Variants in CSRNP3 observed in about 807,000 individuals in gnomAD.
CSRNP3 encodes the protein cysteine/serine-rich nuclear protein 3.
CSRNP3 carries 12 observed loss-of-function variants against 48.0 expected under a neutral mutation model. That is an observed-to-expected ratio of 0.25 (90% CI 0.16 to 0.41). The LOEUF is 0.41. Ranked by LOEUF, CSRNP3 falls within the 10% of genes least tolerant of loss-of-function variation. The pLI is 1.00. For missense variants in CSRNP3, 580 were observed against 724.4 expected, an observed-to-expected ratio of 0.80 and a Z score of 2.29; for synonymous variants, 263 against 269.7, an observed-to-expected ratio of 0.98 and a Z score of 0.24.
At chr2:165,617,298 G>A (rs1057109385) in intron 4 of CSRNP3, among the ~76,000 whole-genome samples, 7 of 150,720 alleles carry the variant, frequency 4.6e-5, no homozygotes, top group African/African-American at 1.7e-4. Context: ...GTTTTATGGA[G>A]GTAGCTTTCA....
chr2:165,574,274 A>G, intron 3 of CSRNP3: 1 of 1,043,850 alleles, frequency 9.6e-7, no homozygotes, highest in Non-Finnish European at 1.4e-6. Context: ...GGGAGTTCAA[A>G]GGTCACAGGG....
intron 3 of CSRNP3, among the ~76,000 whole-genome samples, chr2:165,556,675 C>A (rs1211693939): frequency 6.6e-6 from 1 of 152,108 alleles, no homozygotes; most frequent in Non-Finnish European, 1.5e-5. Flanking sequence ...AAAAGAAAAT[C>A]TGTACTGAAA....
chr2:165,679,247 G>A lies in CSRNP3; in HGVS notation c.1252G>A (p.Val418Ile), dbSNP rs375821547. The stretch of plus-strand genomic sequence containing the variant: ...TCTTTGTTATTCTGATGGCACCGCC[G>A]TTCACGAAAGCCATGCAAAGAATGC... ...SVLCYSDGTA[V>I]HESHAKNASF... The change falls in exon 7 of 7, where the codon GTT (valine) becomes ATT (isoleucine). Residue 418 changes from valine to isoleucine, a missense_variant. This residue lies in a region of CSRNP3 where 369 missense variants were observed against 380.8 expected (regional missense o/e 0.97). Transcript: ENST00000651982. The A allele has an allele frequency of 2.6e-5, 42 of 1,613,830 alleles. No homozygotes were observed. In the African/African-American group the frequency reaches 2.9e-4, roughly 11 times the overall value.
intron 3 of CSRNP3, among the ~76,000 whole-genome samples, chr2:165,574,989 C>T (rs1685425476): frequency 6.6e-6 from 1 of 152,124 alleles, no homozygotes; most frequent in East Asian, 1.9e-4. Flanking sequence ...TCTATTGGGG[C>T]TAGATCCTTT....
intron 2 of CSRNP3, among the ~76,000 whole-genome samples, chr2:165,506,368 T>C (rs1684426359): frequency 6.6e-6 from 1 of 152,154 alleles, no homozygotes; most frequent in Non-Finnish European, 1.5e-5. Context: ...TAAGATGCCT[T>C]GGTGGGAAAA....
At chr2:165,476,113 A>G (rs1182875743) in intron 1 of CSRNP3, among the ~76,000 whole-genome samples, 4 of 152,232 alleles carry the variant, frequency 2.6e-5, no homozygotes, top group South Asian at 2.1e-4. Flanking sequence ...CTCTTAGTCA[A>G]TGAATCCCCA....
At chr2:165,553,017 A>G (rs2105261435) in intron 3 of CSRNP3, among the ~76,000 whole-genome samples, 1 of 152,272 alleles carries the variant, frequency 6.6e-6, no homozygotes, top group African/African-American at 2.4e-5. Context: ...TATTTGTAAT[A>G]TCAACGTTCA....
intron 4 of CSRNP3, among the ~76,000 whole-genome samples, chr2:165,622,169 C>A (rs1433567591): frequency 1.3e-5 from 2 of 152,066 alleles, no homozygotes; most frequent in East Asian, 1.9e-4. Flanking sequence ...AGTTATTTTT[C>A]TTTACAGGTA....
chr2:165,551,229 T>C (rs1685091952), intron 3 of CSRNP3, among the ~76,000 whole-genome samples: 1 of 152,186 alleles, frequency 6.6e-6, no homozygotes. Context: ...TAGGCTGACA[T>C]ACTGTCACGT....
At chr2:165,565,000 A>C (rs1685279685) in intron 3 of CSRNP3, among the ~76,000 whole-genome samples, 1 of 152,108 alleles carries the variant, frequency 6.6e-6, no homozygotes, top group Admixed American at 6.6e-5. Flanking sequence ...ACAACTTTAA[A>C]GCACCTCACT....
chr2:165,644,172 T>A (rs923517817), intron 4 of CSRNP3, among the ~76,000 whole-genome samples: 17 of 152,168 alleles, frequency 1.1e-4, no homozygotes, highest in African/African-American at 4.1e-4. Flanking sequence ...CCAGGGTTAG[T>A]TTGTCATGTT....
At chr2:165,637,159 C>G (rs886940491) in intron 4 of CSRNP3, among the ~76,000 whole-genome samples, 2 of 152,104 alleles carry the variant, frequency 1.3e-5, no homozygotes, top group Admixed American at 6.5e-5. Flanking sequence ...ATAGCCAGAA[C>G]TCATAAAATA....
At chr2:165,574,407 C>T (rs1031839328) in intron 3 of CSRNP3, 1 of 1,549,826 alleles carries the variant, frequency 6.5e-7, no homozygotes, top group South Asian at 1.2e-5. Flanking sequence ...GCGTGTGTGC[C>T]GTAGTCGTTA....
chr2:165,592,405 G>A (rs919508606), intron 3 of CSRNP3, among the ~76,000 whole-genome samples: 1 of 152,172 alleles, frequency 6.6e-6, no homozygotes, highest in Non-Finnish European at 1.5e-5. Context: ...ATGCTGGAAT[G>A]AGCCTAGACC....
At chr2:165,622,187 T>C (rs1686351825) in intron 4 of CSRNP3, among the ~76,000 whole-genome samples, 1 of 152,242 alleles carries the variant, frequency 6.6e-6, no homozygotes, top group Admixed American at 6.5e-5. Context: ...GTAAGTATTT[T>C]TAATTCTAGC....
chr2:165,585,340 G>A (rs538223005), intron 3 of CSRNP3, among the ~76,000 whole-genome samples: 20 of 151,592 alleles, frequency 1.3e-4, no homozygotes, highest in Admixed American at 2.0e-4. Flanking sequence ...ATAATTTGAC[G>A]TTGTGAATAT....
intron 5 of CSRNP3, among the ~76,000 whole-genome samples, chr2:165,667,035 A>AAGGAAGGAAGGAAAGAGAGG (rs1573957468): frequency 2.2e-5 from 1 of 45,050 alleles, no homozygotes; most frequent in Non-Finnish European, 6.0e-5. Context: ...AGAGAGGAAG[A>AAGGAAGGAAGGAAAGAGAGG]AAGAAAGAGA....
intron 4 of CSRNP3, among the ~76,000 whole-genome samples, chr2:165,628,293 T>G (rs1558955421): frequency 6.6e-6 from 1 of 152,208 alleles, no homozygotes; most frequent in Admixed American, 6.5e-5. Context: ...ATTTTGTGCC[T>G]TTTTCCCCCT....
At chr2:165,534,630 T>A (rs1213970244) in intron 3 of CSRNP3, among the ~76,000 whole-genome samples, 1 of 151,766 alleles carries the variant, frequency 6.6e-6, no homozygotes, top group Admixed American at 6.6e-5. Flanking sequence ...TAATAAACTA[T>A]CATAAATTCT....
Sources: gnomAD v4.1 joint callset for allele counts (sites outside exome capture counted in the v4.1 genomes callset) on GRCh38, gnomAD v4.1.1 for gene constraint, gnomAD v4.1.1 regional missense constraint, MANE v1.5 for transcripts, NCBI Gene and HGNC (gene_info 2026-07-23, HGNC 2026-07-21) for gene names.